UBE2W: variants seen among roughly 807,000 people sequenced by gnomAD.
UBE2W encodes ubiquitin-conjugating enzyme E2 W.
In UBE2W, 18 loss-of-function variants were observed where a neutral mutation model predicts 27.2. The ratio of observed to expected loss-of-function variants is 0.66; its 90% CI spans 0.46 to 0.98. The LOEUF (loss-of-function observed/expected upper bound fraction) is 0.98. UBE2W is among the 50% of genes least tolerant of loss of function. The probability of loss-of-function intolerance (pLI) is 0.00; values close to 1 mark genes in which losing one functional copy is unlikely to be tolerated. For synonymous variants in UBE2W, 53 were observed against 57.2 expected (o/e 0.93, Z 0.33); for missense variants, 90 against 180.2 (o/e 0.50, Z 2.87).
intron 5 of UBE2W, among the ~76,000 whole-genome samples, 192 bp downstream of exon 5, chr8:73,805,459 A>AAAAAAAAC (rs1808842394): frequency 7.4e-6 from 1 of 134,564 alleles, no homozygotes; most frequent in Admixed American, 8.1e-5. Context: ...CATCTCAAAA[A>AAAAAAAAC]AAAAAAAAAA....
Position 73,816,933 on chromosome 8 carries a change from C to T in UBE2W, c.211-6304G>A, listed in dbSNP as rs533206160. Among the ~76,000 whole-genome samples, 12 of 152,174 alleles carry T rather than the reference C, an allele frequency of 7.9e-5. No homozygotes were observed. The South Asian group carries it at 2.1e-3, about 26-fold the overall frequency. On this transcript the variant is annotated intron_variant, in intron 3 of 5. Coordinates refer to ENST00000602593, the MANE Select transcript of UBE2W (RefSeq NM_018299.6). ...CCTGTAATCCCAGCTACTGTGGAGG[C>T]TGAGGCAGGAGAATCGTTTGAACCC...
intron 2 of UBE2W, among the ~76,000 whole-genome samples, chr8:73,825,718 T>C (rs1345130958): frequency 6.6e-6 from 1 of 152,112 alleles, no homozygotes; most frequent in South Asian, 2.1e-4. Context: ...GGAGAATCGC[T>C]TGAACCCGGG....
chr8:73,787,591 C>T lies in UBE2W; in HGVS notation c.*6511G>A, dbSNP rs959643978. The T allele has an allele frequency of 4.1e-6, 4 of 985,240 alleles. No individual in the cohort carries two copies. The highest frequency in any genetic ancestry group is 6.2e-5 in the Admixed American group (1 of 16,242). 61.0% of individuals were successfully genotyped at this position (985,240 alleles called of 1,614,324 possible). On this transcript the variant is annotated 3_prime_UTR_variant, in exon 6 of 6. Coordinates refer to ENST00000602593, the MANE Select transcript of UBE2W (RefSeq NM_018299.6). ...AAGGTGCTCCTGGGGCAAGCAGATC[C>T]CCTGCAGAAAAGCTTAGAATTACCA... is the stretch of plus-strand genomic sequence containing the variant.
downstream of UBE2W, among the ~76,000 whole-genome samples, chr8:73,781,683 G>C (rs1396435365): frequency 6.7e-6 from 1 of 149,662 alleles, no homozygotes; most frequent in Admixed American, 6.8e-5. Context: ...GGAGTGCAGC[G>C]ATCTTCTTAC....
chr8:73,837,448 G>A (rs1381840236), intron 1 of UBE2W, among the ~76,000 whole-genome samples: 1 of 152,120 alleles, frequency 6.6e-6, no homozygotes, highest in Non-Finnish European at 1.5e-5. Context: ...AGAAGGCGGA[G>A]GTTCCAGTGA....
Position 73,791,411 on chromosome 8 carries a change from G to A in UBE2W, c.*2691C>T, listed in dbSNP as rs1808189462. Reference sequence around the variant, plus strand: ...AATAAATAAATAAAAGAAGAAGAGTGTACCTTATCTTCTAAGTATGAAAGT... The same window carrying A: ...AATAAATAAATAAAAGAAGAAGAGTATACCTTATCTTCTAAGTATGAAAGT... On this transcript the variant is annotated 3_prime_UTR_variant, in exon 6 of 6. Coordinates refer to ENST00000602593, the MANE Select transcript of UBE2W (RefSeq NM_018299.6). 2.0e-6 allele frequency: 2 copies of A among 984,114 alleles called. No individual in the cohort carries two copies. The highest frequency in any genetic ancestry group is 6.2e-5 in the Admixed American group (1 of 16,238). The allele number at this position is 984,114 out of a possible 1,614,324, so 61.0% of individuals were successfully genotyped here.
intron 1 of UBE2W, among the ~76,000 whole-genome samples, chr8:73,849,982 C>A (rs1236553660): frequency 6.6e-6 from 1 of 152,000 alleles, no homozygotes; most frequent in Admixed American, 6.6e-5. Context: ...CACTTAGTAA[C>A]AACCTCAAAA....
chr8:73,834,892 G>C (rs750976741), intron 1 of UBE2W, among the ~76,000 whole-genome samples: 42 of 152,164 alleles, frequency 2.8e-4, no homozygotes, highest in Non-Finnish European at 5.9e-4. Flanking sequence ...CTGGGCTATA[G>C]AGTGAGACTC....
intron 1 of UBE2W, among the ~76,000 whole-genome samples, chr8:73,871,090 T>G (rs978319948): frequency 1.3e-5 from 2 of 152,146 alleles, no homozygotes; most frequent in African/African-American, 4.8e-5. Flanking sequence ...TCTAAAGAGA[T>G]AAGTAAACGG....
At chr8:73,864,804 C>T (rs1167145693) in intron 1 of UBE2W, among the ~76,000 whole-genome samples, 1 of 146,892 alleles carries the variant, frequency 6.8e-6, no homozygotes, top group South Asian at 2.1e-4. Flanking sequence ...GATGAGGTTT[C>T]GTCATGTTGA....
At chr8:73,844,960 C>T (rs575107367) in intron 1 of UBE2W, among the ~76,000 whole-genome samples, 3 of 151,380 alleles carry the variant, frequency 2.0e-5, no homozygotes, top group Non-Finnish European at 3.0e-5. Flanking sequence ...GCAGCCGCCC[C>T]GTCTGGGAAG....
intron 1 of UBE2W, among the ~76,000 whole-genome samples, chr8:73,866,296 T>A (rs1368467106): frequency 1.5e-3 from 169 of 114,834 alleles, no homozygotes; most frequent in African/African-American, 2.3e-3. Flanking sequence ...AAAAAATATA[T>A]ATATATATAT....
chr8:73,796,486 G>T, intron 5 of UBE2W: 1 of 205,952 alleles, frequency 4.9e-6, no homozygotes, highest in Non-Finnish European at 8.5e-6. Flanking sequence ...CTTGTTCATT[G>T]CAGAAGGTTT....
intron 3 of UBE2W, among the ~76,000 whole-genome samples, chr8:73,814,052 A>C (rs998961216): frequency 6.6e-6 from 1 of 152,078 alleles, no homozygotes; most frequent in African/African-American, 2.4e-5. Flanking sequence ...TTCTAATGTA[A>C]ACTTTGCTAA....
intron 5 of UBE2W, among the ~76,000 whole-genome samples, 179 bp downstream of exon 5, chr8:73,805,472 C>CAAAAAAAAAAAAAAAAACAAAAAAAAA: frequency 9.2e-5 from 4 of 43,694 alleles, no homozygotes; most frequent in Non-Finnish European, 2.0e-4. Flanking sequence ...AAAAAAAAAA[C>CAAAAAAAAAAAAAAAAACAAAAAAAAA]AAAAAAAACT....
chr8:73,853,733 A>C (rs141903686), intron 1 of UBE2W, among the ~76,000 whole-genome samples: 37 of 152,352 alleles, frequency 2.4e-4, no homozygotes, highest in African/African-American at 8.7e-4. Context: ...TTTCAAGCTT[A>C]AAGTTCCAAA....
intron 1 of UBE2W, among the ~76,000 whole-genome samples, chr8:73,858,204 T>C (rs1811383210): frequency 6.6e-6 from 1 of 151,814 alleles, no homozygotes; most frequent in South Asian, 2.1e-4. Flanking sequence ...CCAATAAAAA[T>C]ACAAAAATTA....
At chr8:73,785,852 G>T (rs796290290), downstream of UBE2W, among the ~76,000 whole-genome samples, 1 of 152,196 alleles carries the variant, frequency 6.6e-6, no homozygotes, top group Non-Finnish European at 1.5e-5. Context: ...GATTACAGGC[G>T]TAAGCCACTG....
chr8:73,864,565 G>A (rs559475690), intron 1 of UBE2W, among the ~76,000 whole-genome samples: 5 of 152,118 alleles, frequency 3.3e-5, no homozygotes, highest in Admixed American at 6.6e-5. Context: ...TAACTTGTTT[G>A]CATTTGTCTA....
Sources: gnomAD v4.1 joint callset for allele counts (sites outside exome capture counted in the v4.1 genomes callset) on GRCh38, gnomAD v4.1.1 for gene constraint, MANE v1.5 for transcripts, NCBI Gene and HGNC (gene_info 2026-07-23, HGNC 2026-07-21) for gene names.